The following MSR1 variants were observed in gnomAD, a reference collection of about 807,000 sequenced individuals.
MSR1 encodes macrophage scavenger receptor types I and II.
In MSR1, 53 loss-of-function variants were observed where a neutral mutation model predicts 47.2. The observed-to-expected ratio is 1.12, with a 90% CI of 0.90 to 1.41. The LOEUF (loss-of-function observed/expected upper bound fraction) is 1.41. Ranked by LOEUF, MSR1 falls within the 40% of genes most tolerant of loss-of-function variation. MSR1 has a pLI of 0.00. For synonymous variants in MSR1, 239 were observed against 185.6 expected (o/e 1.29, Z -2.34); for missense variants, 786 against 546.9 (o/e 1.44, Z -4.36).
intron 4 of MSR1, among the ~76,000 whole-genome samples, chr8:16,167,877 T>C (rs977465070): frequency 5.9e-5 from 9 of 152,184 alleles, no homozygotes; most frequent in Admixed American, 1.3e-4. Context: ...TACCCTTTGA[T>C]ATGCTTACTT....
chr8:16,120,142 G>C lies in MSR1; in HGVS notation c.1222+276C>G, dbSNP rs183881205. Among the ~76,000 whole-genome samples, 3 of 151,706 alleles carry C rather than the reference G, an allele frequency of 2.0e-5. No homozygotes were observed. The South Asian group carries it at 6.3e-4, about 32-fold the overall frequency. ...CCTGTAATCCCAGCACTTTAGGTTG[G>C]CGAGGCGGGCAGATCACGAGGTCAG... is the stretch of plus-strand genomic sequence containing the variant. On this transcript the variant is annotated intron_variant, in intron 9 of 9. Transcript: ENST00000262101.
chr8:16,143,499 G>C (rs1800616431), intron 8 of MSR1, 59 bp downstream of exon 8: 11 of 1,465,636 alleles, frequency 7.5e-6, no homozygotes, highest in East Asian at 6.8e-5. Flanking sequence ...CAGATCTCTA[G>C]TATCACAGAC....
chr8:16,126,683 G>C (rs1478250164), intron 8 of MSR1, among the ~76,000 whole-genome samples: 1 of 152,128 alleles, frequency 6.6e-6, no homozygotes, highest in Non-Finnish European at 1.5e-5. Flanking sequence ...TACTCCTAAA[G>C]CCAGGGAGAC....
chr8:16,191,240 T>C (rs956910489), intron 1 of MSR1, among the ~76,000 whole-genome samples: 2 of 152,212 alleles, frequency 1.3e-5, no homozygotes, highest in African/African-American at 4.8e-5. Flanking sequence ...AATATTTATA[T>C]TGTGCCTGAT....
Position 16,177,842 on chromosome 8 carries a change from C to G in MSR1, c.103+44G>C, listed in dbSNP as rs187300571. On this transcript the variant is annotated intron_variant, in intron 2 of 9. Coordinates refer to ENST00000262101, the MANE Select transcript of MSR1 (RefSeq NM_138715.3). ...CTATAATTTTATATTTTGTCAATAA[C>G]TCTAAGAACAACCTCCATGGGCAGC... 259 of 1,483,140 alleles carry G rather than the reference C, an allele frequency of 1.7e-4. No individual in the cohort carries two copies. The African/African-American group carries it at 3.3e-3, about 19-fold the overall frequency. 91.9% of individuals were successfully genotyped at this position (1,483,140 alleles called of 1,614,324 possible).
At chr8:16,146,923 G>A (rs925597968) in intron 7 of MSR1, among the ~76,000 whole-genome samples, 2 of 152,122 alleles carry the variant, frequency 1.3e-5, no homozygotes, top group African/African-American at 4.8e-5. Flanking sequence ...GAATCACAGA[G>A]AGAAAATGTT....
intron 9 of MSR1, among the ~76,000 whole-genome samples, chr8:16,118,620 A>T (rs1318630896): frequency 6.6e-6 from 1 of 152,026 alleles, no homozygotes; most frequent in Non-Finnish European, 1.5e-5. Flanking sequence ...CAGAGGTTGC[A>T]GTAAGCCGAG....
intron 8 of MSR1, among the ~76,000 whole-genome samples, chr8:16,129,020 G>C (rs1800193475): frequency 6.6e-6 from 1 of 152,042 alleles, no homozygotes; most frequent in South Asian, 2.1e-4. Context: ...AAGAGTTCGA[G>C]GTGGAAGATG....
chr8:16,113,717 GC>G (rs1799814233), intron 9 of MSR1, among the ~76,000 whole-genome samples: 1 of 152,084 alleles, frequency 6.6e-6, no homozygotes, highest in African/African-American at 2.4e-5. Flanking sequence ...GGCTAACATA[GC>G]TTTAAGACTT....
chr8:16,141,116 G>C (rs1221964469), intron 8 of MSR1: 10 of 1,545,918 alleles, frequency 6.5e-6, no homozygotes, highest in East Asian at 2.3e-5. Context: ...AAATTTTAAA[G>C]ATGCATATGA....
intron 8 of MSR1, among the ~76,000 whole-genome samples, chr8:16,138,327 C>A (rs1232896596): frequency 6.6e-6 from 1 of 152,120 alleles, no homozygotes; most frequent in Non-Finnish European, 1.5e-5. Context: ...AAACATCACT[C>A]TTCCGCGTTA....
intron 3 of MSR1, among the ~76,000 whole-genome samples, chr8:16,170,238 C>G (rs1801442503): frequency 6.6e-6 from 1 of 151,950 alleles, no homozygotes; most frequent in South Asian, 2.1e-4. Context: ...GGCCCATCTA[C>G]TCAGGAGGCT....
chr8:16,171,827 T>C (rs1585185025), intron 3 of MSR1, among the ~76,000 whole-genome samples: 1 of 152,320 alleles, frequency 6.6e-6, no homozygotes, highest in East Asian at 1.9e-4. Flanking sequence ...GCTCTGCCCT[T>C]TATAAACTAT....
At chr8:16,152,345 T>C (rs1800883802) in intron 6 of MSR1, among the ~76,000 whole-genome samples, 1 of 152,072 alleles carries the variant, frequency 6.6e-6, no homozygotes, top group African/African-American at 2.4e-5. Context: ...GGAGGGGCCT[T>C]CTTGGGGCCA....
chr8:16,118,294 G>A (rs188004090), intron 9 of MSR1, among the ~76,000 whole-genome samples: 156 of 152,208 alleles, frequency 1.0e-3, no homozygotes, highest in African/African-American at 3.3e-3. Context: ...GATAAGACTC[G>A]TTATGTCCTC....
At position 16,143,615 on chromosome 8, in the gene MSR1, G is replaced by C. The variant is rs375311065; in HGVS notation, c.980-4C>G. On this transcript the variant is annotated splice_polypyrimidine_tract_variant and splice_region_variant and intron_variant, in intron 7 of 9. Transcript: ENST00000262101. ...TGGCCTTTTGGTCCAGAATTTCCTT[G>C]AGAAAAGAAGAAAAATATTTGTTTT... 2.5e-6 allele frequency: 4 copies of C among 1,610,626 alleles called. No individual in the cohort carries two copies. The highest frequency in any genetic ancestry group is 3.3e-5 in the Admixed American group (2 of 59,924).
intron 1 of MSR1, among the ~76,000 whole-genome samples, chr8:16,189,381 A>G: frequency 1.0e-5 from 1 of 96,634 alleles, no homozygotes; most frequent in South Asian, 3.0e-4. Context: ...TTTTATATAT[A>G]TAAAATCTTA....
intron 9 of MSR1, among the ~76,000 whole-genome samples, chr8:16,113,106 C>G (rs955409338): frequency 6.6e-6 from 1 of 151,422 alleles, no homozygotes; most frequent in African/African-American, 2.4e-5. Context: ...TGCACCACCA[C>G]GCCCAGTTAA....
chr8:16,188,106 G>A (rs904093200), intron 1 of MSR1, among the ~76,000 whole-genome samples: 11 of 152,044 alleles, frequency 7.2e-5, no homozygotes, highest in African/African-American at 2.7e-4. Flanking sequence ...AAAATCCTTG[G>A]AGTTTGTGTA....
Sources: allele counts gnomAD v4.1 joint callset (sites outside exome capture counted in the v4.1 genomes callset), GRCh38; gene constraint gnomAD v4.1.1; transcripts MANE v1.5; gene names NCBI Gene and HGNC (gene_info 2026-07-23, HGNC 2026-07-21).